The following TMEM238L variants were observed in gnomAD, a reference collection of about 807,000 sequenced individuals.
TMEM238L encodes transmembrane protein 238-like.
chr17:10,796,943 C>T (rs1904567168), intron 1 of TMEM238L, among the ~76,000 whole-genome samples: 1 of 152,142 alleles, frequency 6.6e-6, no homozygotes, highest in Non-Finnish European at 1.5e-5. Flanking sequence ...GTCTCTGTTA[C>T]CATTGCTCGA....
chr17:10,802,413 G>C (rs551259707), intron 1 of TMEM238L: 1 of 152,284 alleles, frequency 6.6e-6, no homozygotes, highest in East Asian at 1.9e-4. Context: ...GAATCCTGAG[G>C]CTCAGAGTGT....
At chr17:10,799,868 C>T (rs531200166) in intron 1 of TMEM238L, among the ~76,000 whole-genome samples, 7 of 152,048 alleles carry the variant, frequency 4.6e-5, no homozygotes, top group Admixed American at 1.3e-4. Flanking sequence ...GCCCCTCACC[C>T]CAGGCCCAAT....
In TMEM238L at chr17:10,799,635, T is replaced by A. The variant is rs116557650; in HGVS notation, c.*119-3687A>T. Among the ~76,000 whole-genome samples, 652 of 152,346 alleles carry A rather than the reference T, an allele frequency of 4.3e-3. 8 individuals carry two copies. Among genetic ancestry groups the A allele is most frequent in the African/African-American group, 0.015 (621 of 41,584 alleles). On this transcript the variant is annotated intron_variant, in intron 1 of 1. Coordinates refer to ENST00000581851, the Ensembl canonical transcript of TMEM238L. ...GGCAAAGCCAGTTACAATCTGCCCGTAAATCGTGAATGTGTCTGGAATTGA... is the reference window on the plus strand; with the variant it reads ...GGCAAAGCCAGTTACAATCTGCCCGAAAATCGTGAATGTGTCTGGAATTGA...
intron 1 of TMEM238L, among the ~76,000 whole-genome samples, chr17:10,802,104 C>G (rs1260077931): frequency 6.6e-6 from 1 of 152,106 alleles, no homozygotes; most frequent in Non-Finnish European, 1.5e-5. Flanking sequence ...TTTCTTATCC[C>G]CAGTGTCTTG....
chr17:10,796,385 GCTGA>G (rs973539681), intron 1 of TMEM238L, among the ~76,000 whole-genome samples: 4 of 152,206 alleles, frequency 2.6e-5, no homozygotes, highest in African/African-American at 9.6e-5. Context: ...TTTCCTCTCT[GCTGA>G]CTTTCTCTCC....
intron 1 of TMEM238L, among the ~76,000 whole-genome samples, chr17:10,802,935 GA>G (rs1182184548): frequency 6.6e-6 from 1 of 152,196 alleles, no homozygotes; most frequent in East Asian, 1.9e-4. Flanking sequence ...AAACTGTCTT[GA>G]CTTCTGGGCC....
At chr17:10,801,217 AT>A (rs1386345663) in intron 1 of TMEM238L, among the ~76,000 whole-genome samples, 6 of 151,770 alleles carry the variant, frequency 4.0e-5, no homozygotes, top group African/African-American at 1.5e-4. Context: ...CGCCCGGCTA[AT>A]TTTTTGTATT....
chr17:10,801,554 A>G (rs1904747320), intron 1 of TMEM238L, among the ~76,000 whole-genome samples: 1 of 150,970 alleles, frequency 6.6e-6, no homozygotes, highest in African/African-American at 2.4e-5. Context: ...TTCACCTCCC[A>G]CTCTTCCTTT....
chr17:10,797,239 A>G (rs76434179), intron 1 of TMEM238L, among the ~76,000 whole-genome samples: 2,038 of 152,268 alleles, frequency 0.013, 53 homozygotes, highest in African/African-American at 0.046. Context: ...AATAATGATT[A>G]TGATGATAAT....
At chr17:10,803,876 G>A (rs976546068) in exon 1 of TMEM238L, 1 of 399,846 alleles carries the variant, frequency 2.5e-6, no homozygotes, top group Non-Finnish European at 4.4e-6. Context: ...AAAAGGACCA[G>A]GCCGACCGCG....
intron 1 of TMEM238L, among the ~76,000 whole-genome samples, chr17:10,797,275 T>C (rs1904583483): frequency 1.3e-5 from 2 of 152,172 alleles, no homozygotes; most frequent in Admixed American, 6.5e-5. Flanking sequence ...GCCTTGTTGA[T>C]AGGGTGAAAT....
chr17:10,799,236 C>T (rs375008857), intron 1 of TMEM238L, among the ~76,000 whole-genome samples: 76 of 152,278 alleles, frequency 5.0e-4, no homozygotes, highest in African/African-American at 1.5e-3. Context: ...CTTGCTCTGC[C>T]GCCCAGGCTG....
chr17:10,802,532 G>A (rs1904777788), intron 1 of TMEM238L: 1 of 152,530 alleles, frequency 6.6e-6, no homozygotes, highest in Non-Finnish European at 1.5e-5. Context: ...TTACTCTACT[G>A]AGACCTCTTC....
intron 1 of TMEM238L, chr17:10,802,319 A>G (rs1032788699): frequency 2.6e-5 from 4 of 152,180 alleles, no homozygotes; most frequent in African/African-American, 9.7e-5. Flanking sequence ...GAACCACATC[A>G]ATTGTACAGC....
chr17:10,796,862 AGGCCAGG>A (rs1378807033), intron 1 of TMEM238L, among the ~76,000 whole-genome samples: 17 of 152,360 alleles, frequency 1.1e-4, no homozygotes, highest in Non-Finnish European at 1.9e-4. Context: ...ATACGTGACT[AGGCCAGG>A]GGCTGGCAAA....
At chr17:10,802,679 T>G (rs1459329074) in intron 1 of TMEM238L, among the ~76,000 whole-genome samples, 1 of 152,204 alleles carries the variant, frequency 6.6e-6, no homozygotes, top group Non-Finnish European at 1.5e-5. Context: ...CGGGAGTGCC[T>G]GGATACACCT....
intron 1 of TMEM238L, among the ~76,000 whole-genome samples, chr17:10,797,566 C>G (rs1347740039): frequency 6.6e-6 from 1 of 152,144 alleles, no homozygotes; most frequent in African/African-American, 2.4e-5. Context: ...TTAGGTAGTT[C>G]TGCTCGTATA....
intron 1 of TMEM238L, among the ~76,000 whole-genome samples, chr17:10,797,045 G>A (rs779561465): frequency 3.9e-5 from 6 of 152,184 alleles, no homozygotes; most frequent in Non-Finnish European, 8.8e-5. Flanking sequence ...AAGAACAGGA[G>A]GTGGGCCAGA....
At chr17:10,797,303 T>C (rs955207372) in intron 1 of TMEM238L, among the ~76,000 whole-genome samples, 2 of 152,102 alleles carry the variant, frequency 1.3e-5, no homozygotes, top group African/African-American at 4.8e-5. Context: ...TGTGCAACCC[T>C]AGGGCCTGGT....
Sources: gnomAD v4.1 joint callset for allele counts (sites outside exome capture counted in the v4.1 genomes callset) on GRCh38, gnomAD v4.1.1 for gene constraint, MANE v1.5 for transcripts, NCBI Gene and HGNC (gene_info 2026-07-23, HGNC 2026-07-21) for gene names.